Variants in NXPE3 observed in about 807,000 individuals in gnomAD.
NXPE3 encodes NXPE family member 3.
NXPE3 carries 26 observed loss-of-function variants against 46.1 expected under a neutral mutation model. The observed-to-expected ratio is 0.56, with a 90% CI of 0.41 to 0.78. NXPE3 has a LOEUF of 0.78. Among genes scored for constraint, NXPE3 ranks in the 30% least tolerant of loss-of-function variants. NXPE3 has a pLI of 0.00. For missense variants in NXPE3, 620 were observed against 686.0 expected, an observed-to-expected ratio of 0.90 and a Z score of 1.07; for synonymous variants, 272 against 257.9, an observed-to-expected ratio of 1.05 and a Z score of -0.52.
intron 7 of NXPE3, among the ~76,000 whole-genome samples, chr3:101,817,723 A>G (rs1216145066): frequency 6.6e-6 from 1 of 152,118 alleles, no homozygotes; most frequent in Non-Finnish European, 1.5e-5. Context: ...ATCCTGAAGG[A>G]GCAGAAATAA....
intron 3 of NXPE3, among the ~76,000 whole-genome samples, chr3:101,784,966 A>G (rs866405301): frequency 6.6e-6 from 1 of 152,242 alleles, no homozygotes; most frequent in African/African-American, 2.4e-5. Flanking sequence ...TGCTTTGCAC[A>G]GTATCCCAGA....
intron 6 of NXPE3, among the ~76,000 whole-genome samples, chr3:101,810,362 A>G (rs143530218): frequency 3.3e-5 from 5 of 152,354 alleles, no homozygotes; most frequent in African/African-American, 7.2e-5. Flanking sequence ...GATAAGAACA[A>G]TGAAGTTTTA....
chr3:101,780,505 C>T (rs1204824354), intron 1 of NXPE3, among the ~76,000 whole-genome samples: 7 of 152,142 alleles, frequency 4.6e-5, no homozygotes, highest in Non-Finnish European at 1.0e-4. Flanking sequence ...ATAACAGTCC[C>T]TGGCCACTCT....
intron 6 of NXPE3, among the ~76,000 whole-genome samples, chr3:101,812,782 A>T (rs1009181842): frequency 3.3e-5 from 4 of 119,760 alleles, no homozygotes; most frequent in African/African-American, 1.3e-4. Flanking sequence ...ACTGCACTCC[A>T]GTCTGGGTGA....
At chr3:101,812,783 G>T (rs1283157631) in intron 6 of NXPE3, among the ~76,000 whole-genome samples, 1 of 112,584 alleles carries the variant, frequency 8.9e-6, no homozygotes, top group Non-Finnish European at 1.6e-5. Context: ...CTGCACTCCA[G>T]TCTGGGTGAC....
intron 4 of NXPE3, among the ~76,000 whole-genome samples, chr3:101,787,586 G>A (rs538191176): frequency 8.5e-5 from 13 of 152,350 alleles, no homozygotes; most frequent in Non-Finnish European, 1.6e-4. Flanking sequence ...GATCACAGGT[G>A]TGAGCCATGA....
At chr3:101,795,388 G>C (rs139263583) in intron 4 of NXPE3, among the ~76,000 whole-genome samples, 5 of 152,088 alleles carry the variant, frequency 3.3e-5, no homozygotes, top group African/African-American at 9.6e-5. Context: ...CGTGGTAGCG[G>C]GTGCCTATAA....
chr3:101,811,996 A>C (rs1941733421), intron 6 of NXPE3, among the ~76,000 whole-genome samples: 1 of 151,930 alleles, frequency 6.6e-6, no homozygotes, highest in Non-Finnish European at 1.5e-5. Flanking sequence ...GGCTTCCTAA[A>C]GTGTTGGGAT....
At chr3:101,787,339 C>T (rs1362181195) in intron 4 of NXPE3, among the ~76,000 whole-genome samples, 1 of 152,160 alleles carries the variant, frequency 6.6e-6, no homozygotes, top group Non-Finnish European at 1.5e-5. Flanking sequence ...CAGAGTCTCG[C>T]TCTGTTGCCC....
In NXPE3 at chr3:101,801,690, A is replaced by G. The variant is rs574888676; in HGVS notation, c.549A>G (p.Val183=). Residue 183 remains valine (V), a synonymous_variant, in exon 5 of 8, where the codon GTA becomes GTG. Transcript: ENST00000273347. Reference sequence around the variant, plus strand: ...TGCTATGGCCAGGCAAAGTTAAAGTATCCGTATCTCTGGTCCACCCCAGTG... The same window carrying G: ...TGCTATGGCCAGGCAAAGTTAAAGTGTCCGTATCTCTGGTCCACCCCAGTG... ...FTLLWPGKVK[V]SVSLVHPSEG... 1 of 1,614,208 alleles carries G rather than the reference A, an allele frequency of 6.2e-7. No homozygotes were observed. Among genetic ancestry groups the G allele is most frequent in the Non-Finnish European group, 8.5e-7 (1 of 1,180,034 alleles).
chr3:101,820,280 A>G (rs745498514), intron 7 of NXPE3, among the ~76,000 whole-genome samples: 18 of 152,356 alleles, frequency 1.2e-4, no homozygotes, highest in Non-Finnish European at 7.3e-5. Flanking sequence ...AAAAAGCTCA[A>G]TATCACTGAT....
At chr3:101,811,910 T>G (rs2107330460) in intron 6 of NXPE3, among the ~76,000 whole-genome samples, 2 of 152,128 alleles carry the variant, frequency 1.3e-5, no homozygotes, top group South Asian at 4.1e-4. Flanking sequence ...AATTTTTGTA[T>G]TTTTAGTAAA....
At chr3:101,796,757 G>T (rs1940851210) in intron 4 of NXPE3, among the ~76,000 whole-genome samples, 1 of 152,188 alleles carries the variant, frequency 6.6e-6, no homozygotes, top group East Asian at 1.9e-4. Flanking sequence ...GAAAATGTGT[G>T]TATGTTAGTA....
chr3:101,796,812 C>G (rs1041942140), intron 4 of NXPE3, among the ~76,000 whole-genome samples: 4 of 152,074 alleles, frequency 2.6e-5, no homozygotes, highest in African/African-American at 9.7e-5. Flanking sequence ...GAGCATTAAA[C>G]ATTCTTGTAT....
intron 4 of NXPE3, among the ~76,000 whole-genome samples, chr3:101,797,470 T>C (rs1225783055): frequency 6.9e-5 from 10 of 145,244 alleles, no homozygotes; most frequent in Non-Finnish European, 7.6e-5. Flanking sequence ...CATGTGCACA[T>C]TGTGCAGGTT....
At chr3:101,813,545 G>A (rs1352973097) in intron 6 of NXPE3, among the ~76,000 whole-genome samples, 1 of 152,140 alleles carries the variant, frequency 6.6e-6, no homozygotes, top group Non-Finnish European at 1.5e-5. Flanking sequence ...GGGCTTTAAA[G>A]AGAAGCCAAG....
chr3:101,813,277 G>A (rs1426733514), intron 6 of NXPE3, among the ~76,000 whole-genome samples: 1 of 152,078 alleles, frequency 6.6e-6, no homozygotes, highest in Non-Finnish European at 1.5e-5. Context: ...GCCTTTTACT[G>A]TTCTTAATTC....
chr3:101,821,568 A>C lies in NXPE3; in HGVS notation c.1294A>C (p.Ile432Leu). Residue 432 changes from isoleucine (I) to leucine (L), a missense_variant, in exon 8 of 8, where the codon ATT becomes CTT. Ile to Leu is a conservative substitution (Grantham distance 5, BLOSUM62 2). Coordinates refer to ENST00000273347, the MANE Select transcript of NXPE3 (RefSeq NM_145037.4). Reference sequence around the variant, plus strand: ...TTATGTGGCGAATGAGCTGAATGGCATTGTGGGAGGGAAGAACACAGTGGT... The same window carrying C: ...TTATGTGGCGAATGAGCTGAATGGCCTTGTGGGAGGGAAGAACACAGTGGT... ...LHYVANELNG[I>L]VGGKNTVVAI... The C allele has an allele frequency of 1.2e-6, 2 of 1,614,168 alleles. No individual in the cohort carries two copies. The highest frequency in any genetic ancestry group is 1.7e-6 in the Non-Finnish European group (2 of 1,180,028).
intron 5 of NXPE3, 76 bp downstream of exon 5, chr3:101,802,065 G>C (rs949923796): frequency 1.4e-6 from 2 of 1,387,264 alleles, no homozygotes; most frequent in Non-Finnish European, 1.9e-6. Context: ...GAGACTTTCT[G>C]GTATTCGGTA....
Sources: allele counts gnomAD v4.1 joint callset (sites outside exome capture counted in the v4.1 genomes callset), GRCh38; gene constraint gnomAD v4.1.1; transcripts MANE v1.5; gene names NCBI Gene and HGNC (gene_info 2026-07-23, HGNC 2026-07-21).